The following NRF1 variants were observed in gnomAD, a reference collection of about 807,000 sequenced individuals.
The protein encoded by NRF1 is nuclear respiratory factor 1.
A neutral mutation model predicts 58.5 loss-of-function variants in NRF1; 5 were observed. The observed-to-expected ratio is 0.09, with a 90% CI of 0.04 to 0.18. The LOEUF (loss-of-function observed/expected upper bound fraction) is 0.18, where lower values mean the gene tolerates loss of function less well. NRF1 is among the 10% of genes least tolerant of loss of function. The pLI, the probability that NRF1 is intolerant of heterozygous loss-of-function variation, is 1.00. For synonymous variants in NRF1, 224 were observed against 246.7 expected (o/e 0.91, Z 0.86); for missense variants, 288 against 657.7 (o/e 0.44, Z 6.15).
Position 129,756,644 on chromosome 7 carries a change from C to G in NRF1, c.*1463C>G, listed in dbSNP as rs2116340211. 1 of 152,676 alleles carries G rather than the reference C, an allele frequency of 6.5e-6. No individual in the cohort carries two copies. The highest frequency in any genetic ancestry group is 1.9e-4 in the East Asian group (1 of 5,202). The allele number at this position is 152,676 out of a possible 1,614,324, so 9.5% of individuals were successfully genotyped here. A position where few individuals can be genotyped will look rare whatever the true frequency, so the allele number is the denominator to read the frequency against. ...ACAGGGACAGCTCCTCCTCCCTCCT[C>G]CCAGCTCTCCCCATGTGTGTGATGG... is the stretch of plus-strand genomic sequence containing the variant. On this transcript the variant is annotated 3_prime_UTR_variant, in exon 11 of 11. Coordinates refer to ENST00000393232, the MANE Select transcript of NRF1 (RefSeq NM_005011.5).
At chr7:129,659,896 A>T (rs1801743353) in intron 2 of NRF1, among the ~76,000 whole-genome samples, 1 of 152,168 alleles carries the variant, frequency 6.6e-6, no homozygotes, top group Admixed American at 6.5e-5. Context: ...TGTGAAAGAC[A>T]GAAGATTTTC....
At chr7:129,746,499 G>A (rs1273445143) in intron 10 of NRF1, among the ~76,000 whole-genome samples, 2 of 152,016 alleles carry the variant, frequency 1.3e-5, no homozygotes, top group Non-Finnish European at 2.9e-5. Context: ...TTCATATAGT[G>A]GCTTTCCTTA....
chr7:129,636,944 A>G (rs1003700078), intron 1 of NRF1, among the ~76,000 whole-genome samples: 42 of 152,150 alleles, frequency 2.8e-4, no homozygotes, highest in Admixed American at 1.3e-4. Context: ...AACTTTCAGT[A>G]TGTATTTGAA....
At position 129,671,556 on chromosome 7, in the gene NRF1, T is replaced by G; in HGVS notation, c.338+13T>G. The G allele has an allele frequency of 7.5e-7, 1 of 1,336,620 alleles. No homozygotes were observed. Among genetic ancestry groups the G allele is most frequent in the Non-Finnish European group, 1.1e-6 (1 of 926,838 alleles). 82.8% of individuals were successfully genotyped at this position (1,336,620 alleles called of 1,614,324 possible). ...CACGTTTGCTTCGGTGAGGGCTCCCTTATCCATATTGTTACTATTCCTCAA... is the reference window on the plus strand; with the variant it reads ...CACGTTTGCTTCGGTGAGGGCTCCCGTATCCATATTGTTACTATTCCTCAA... On this transcript the variant is annotated intron_variant, in intron 3 of 10. Coordinates refer to ENST00000393232, the MANE Select transcript of NRF1 (RefSeq NM_005011.5).
chr7:129,662,107 G>A (rs1293361766), intron 2 of NRF1, among the ~76,000 whole-genome samples: 1 of 150,492 alleles, frequency 6.6e-6, no homozygotes, highest in African/African-American at 2.5e-5. Flanking sequence ...GCACCGGAAA[G>A]ACCTGCCCGC....
intron 1 of NRF1, among the ~76,000 whole-genome samples, chr7:129,631,632 CA>C (rs1801051967): frequency 6.6e-6 from 1 of 152,148 alleles, no homozygotes; most frequent in African/African-American, 2.4e-5. Flanking sequence ...CTGGTTTTAT[CA>C]TAGCATATTA....
intron 8 of NRF1, 100 bp downstream of exon 8, chr7:129,711,676 C>T: frequency 1.1e-6 from 1 of 878,650 alleles, no homozygotes. Context: ...GTCTGCGGCA[C>T]TCTTTCATTT....
At chr7:129,650,172 C>T (rs948362480) in intron 1 of NRF1, among the ~76,000 whole-genome samples, 7 of 141,488 alleles carry the variant, frequency 4.9e-5, no homozygotes, top group Admixed American at 7.1e-5. Flanking sequence ...TTTCTTTTTC[C>T]TTTTTTTTTT....
At chr7:129,692,387 C>T (rs1387356157) in intron 5 of NRF1, among the ~76,000 whole-genome samples, 1 of 151,834 alleles carries the variant, frequency 6.6e-6, no homozygotes, top group African/African-American at 2.4e-5. Context: ...TTTGTCTCTA[C>T]AAAAAATACA....
At chr7:129,719,294 G>A (rs76038571) in intron 9 of NRF1, among the ~76,000 whole-genome samples, 6,465 of 152,044 alleles carry the variant, frequency 0.043, 168 homozygotes, top group Middle Eastern at 0.12. Context: ...CACCACACAC[G>A]GCTAAGTTTG....
chr7:129,741,766 G>A lies in NRF1; in HGVS notation c.1349-13252G>A, dbSNP rs896854587. 6.6e-6 allele frequency among the ~76,000 whole-genome samples: 1 copy of A among 152,174 alleles called. No individual in the cohort carries two copies. Among genetic ancestry groups the A allele is most frequent in the Non-Finnish European group, 1.5e-5 (1 of 68,030 alleles). ...TAACTCTAATAGCTTGTCCCTCGCAGCCAGGATGGTTTGGGGCCCTCTGGC... is the reference window on the plus strand; with the variant it reads ...TAACTCTAATAGCTTGTCCCTCGCAACCAGGATGGTTTGGGGCCCTCTGGC... On this transcript the variant is annotated intron_variant, in intron 10 of 10. Transcript: ENST00000393232. The surrounding 1 kb of genome is among the most constrained non-coding windows in gnomAD (Gnocchi z 4.0).
intron 1 of NRF1, among the ~76,000 whole-genome samples, chr7:129,642,257 T>G (rs561698411): frequency 1.9e-4 from 29 of 152,316 alleles, no homozygotes; most frequent in Non-Finnish European, 2.9e-4. Context: ...GTGCTGTGAT[T>G]ACAGACGTGA....
At chr7:129,715,937 G>A (rs997475997) in intron 8 of NRF1, among the ~76,000 whole-genome samples, 1 of 151,938 alleles carries the variant, frequency 6.6e-6, no homozygotes, top group Non-Finnish European at 1.5e-5. Flanking sequence ...CCTGGGAGGC[G>A]GAGGTTGCGG....
chr7:129,730,720 A>G (rs1803558758), intron 10 of NRF1, among the ~76,000 whole-genome samples: 1 of 152,150 alleles, frequency 6.6e-6, no homozygotes, highest in South Asian at 2.1e-4. Flanking sequence ...TCATGCCTGT[A>G]ATCCCAGCAC....
intron 1 of NRF1, chr7:129,630,046 G>T (rs1417990996): frequency 6.6e-6 from 1 of 152,222 alleles, no homozygotes; most frequent in Non-Finnish European, 1.5e-5. Context: ...CTATTTGAGG[G>T]TCGAACTAAT....
chr7:129,643,401 A>G (rs912282994), intron 1 of NRF1, among the ~76,000 whole-genome samples: 2 of 152,176 alleles, frequency 1.3e-5, no homozygotes, highest in Non-Finnish European at 2.9e-5. Context: ...ACTTGTGGCA[A>G]TTTACGTTAT....
At chr7:129,621,781 ATTT>A (rs11286994) in intron 1 of NRF1, among the ~76,000 whole-genome samples, 24 of 128,660 alleles carry the variant, frequency 1.9e-4, no homozygotes, top group East Asian at 4.8e-4. Flanking sequence ...TCTCCATAGA[ATTT>A]TTTTTTTTTT....
intron 3 of NRF1, among the ~76,000 whole-genome samples, chr7:129,674,095 C>T (rs936295564): frequency 5.3e-5 from 8 of 151,802 alleles, no homozygotes; most frequent in South Asian, 4.2e-4. Context: ...GAGCCGAGAT[C>T]GCACCACTGT....
chr7:129,664,042 C>T (rs1054338207), intron 2 of NRF1, among the ~76,000 whole-genome samples: 77 of 151,128 alleles, frequency 5.1e-4, no homozygotes, highest in African/African-American at 1.6e-3. Flanking sequence ...GGAGAATCAC[C>T]GGAGCCCAGG....
Sources: gnomAD v4.1 joint callset for allele counts (sites outside exome capture counted in the v4.1 genomes callset) on GRCh38, gnomAD v4.1.1 for gene constraint, Gnocchi (gnomAD v3.1) non-coding constraint, MANE v1.5 for transcripts, NCBI Gene and HGNC (gene_info 2026-07-23, HGNC 2026-07-21) for gene names.